CPNE5: variants seen among roughly 807,000 people sequenced by gnomAD.
The protein encoded by CPNE5 is copine-5.
A neutral mutation model predicts 81.1 loss-of-function variants in CPNE5; 42 were observed. The observed-to-expected ratio is 0.52, with a 90% CI of 0.40 to 0.67. The LOEUF (loss-of-function observed/expected upper bound fraction) is 0.67, where lower values mean the gene tolerates loss of function less well. Ranked by LOEUF, CPNE5 falls within the 30% of genes least tolerant of loss-of-function variation. CPNE5 has a pLI of 0.00. For missense variants in CPNE5, 612 were observed against 815.5 expected, an observed-to-expected ratio of 0.75 and a Z score of 3.04; for synonymous variants, 313 against 321.5, an observed-to-expected ratio of 0.97 and a Z score of 0.28.
rs187496678 is a variant in CPNE5, at chr6:36,773,548, A to G, written c.737+1413T>C. 3.3e-5 allele frequency among the ~76,000 whole-genome samples: 5 copies of G among 152,342 alleles called. No individual in the cohort carries two copies. In the East Asian group the frequency reaches 7.7e-4, roughly 23 times the overall value. ...CATCTAGCACAGTGCCTGGTACATG[A>G]CAGGGGTTCCCTAAACATTTGTGGA... On this transcript the variant is annotated intron_variant, in intron 10 of 20. Coordinates refer to ENST00000244751, the MANE Select transcript of CPNE5 (RefSeq NM_020939.2).
At chr6:36,770,235 G>A (rs1766935770) in intron 10 of CPNE5, among the ~76,000 whole-genome samples, 2 of 152,180 alleles carry the variant, frequency 1.3e-5, no homozygotes, top group South Asian at 4.1e-4. Context: ...GAGACTCCAG[G>A]CCAGAGGGCC....
chr6:36,786,966 T>C (rs1768611471), intron 8 of CPNE5, among the ~76,000 whole-genome samples: 1 of 152,220 alleles, frequency 6.6e-6, no homozygotes, highest in African/African-American at 2.4e-5. Flanking sequence ...TTGCTTTGTT[T>C]TGGCTTTTTA....
chr6:36,819,193 C>T (rs753908180), intron 3 of CPNE5, among the ~76,000 whole-genome samples: 9 of 152,228 alleles, frequency 5.9e-5, no homozygotes, highest in Non-Finnish European at 1.2e-4. Flanking sequence ...ACCTCCACCT[C>T]CTGGGTTCAA....
rs777172040 is a variant in CPNE5, at chr6:36,746,566, G to C, written c.1030C>G (p.Gln344Glu). 3.1e-6 allele frequency: 5 copies of C among 1,611,480 alleles called. 1 individual carries two copies. In the Admixed American group the frequency reaches 8.4e-5, roughly 27 times the overall value. ...CTCATGTAGTGCAGGGATGTGGACT[G>C]TGAGGGGTTCCCTGTAACACAGGAC... is the stretch of plus-strand genomic sequence containing the variant. The part of the protein sequence containing the change: ...DFTASNGNPS[Q>E]STSLHYMSPY... The change falls in exon 16 of 21, where the codon CAG becomes GAG. Residue 344 changes from glutamine (Q) to glutamate (E), a missense_variant. By Grantham distance (29) the Gln-to-Glu change is conservative. Transcript: ENST00000244751. The surrounding 1 kb of genome is among the most constrained non-coding windows in gnomAD (Gnocchi z 4.5).
intron 12 of CPNE5, among the ~76,000 whole-genome samples, chr6:36,757,709 G>A (rs6906856): frequency 0.035 from 5,254 of 152,272 alleles, 266 homozygotes; most frequent in African/African-American, 0.12. Flanking sequence ...GAAGTGTCAG[G>A]GGAGTTAGAG....
intron 14 of CPNE5, among the ~76,000 whole-genome samples, chr6:36,748,806 A>T (rs567384849): frequency 6.6e-6 from 1 of 152,242 alleles, no homozygotes; most frequent in Non-Finnish European, 1.5e-5. Flanking sequence ...ACAGAGGAAC[A>T]CATTAAATGA....
intron 1 of CPNE5, among the ~76,000 whole-genome samples, chr6:36,835,789 G>A (rs768037924): frequency 6.7e-6 from 1 of 148,792 alleles, no homozygotes; most frequent in Non-Finnish European, 1.5e-5. Context: ...GGGCAACAGA[G>A]CAAAAACTCC....
chr6:36,743,628 G>A (rs1763776474), intron 20 of CPNE5, 61 bp downstream of exon 20: 1 of 1,518,568 alleles, frequency 6.6e-7, no homozygotes, highest in Non-Finnish European at 9.1e-7. Context: ...GGGGGTGTGA[G>A]GTCCGCCTGG....
At chr6:36,745,325 G>C in intron 17 of CPNE5, 63 bp downstream of exon 17, 2 of 1,555,932 alleles carry the variant, frequency 1.3e-6, no homozygotes, top group Admixed American at 3.7e-5. Flanking sequence ...ACCACCCAGA[G>C]GCAGAGCTGG....
chr6:36,827,834 A>C, intron 1 of CPNE5: 1 of 818,982 alleles, frequency 1.2e-6, no homozygotes, highest in East Asian at 1.3e-4. Context: ...CTTTCTTTGG[A>C]GAGCACAAAG....
At chr6:36,817,804 T>C (rs1771681064) in intron 3 of CPNE5, among the ~76,000 whole-genome samples, 1 of 152,182 alleles carries the variant, frequency 6.6e-6, no homozygotes, top group African/African-American at 2.4e-5. Flanking sequence ...CTGAGTTGAC[T>C]CTGTCCCTCC....
At chr6:36,818,456 C>T (rs1771753749) in intron 3 of CPNE5, among the ~76,000 whole-genome samples, 3 of 152,180 alleles carry the variant, frequency 2.0e-5, no homozygotes, top group Admixed American at 2.0e-4. Context: ...TTCATAAATG[C>T]TTCCTGTTGC....
intron 8 of CPNE5, among the ~76,000 whole-genome samples, chr6:36,787,890 C>T (rs565260848): frequency 1.1e-4 from 17 of 152,212 alleles, no homozygotes; most frequent in African/African-American, 3.9e-4. Flanking sequence ...GTGGTAAAGA[C>T]GTACTATCCT....
At chr6:36,788,307 A>G (rs779234500) in intron 8 of CPNE5, among the ~76,000 whole-genome samples, 1 of 152,012 alleles carries the variant, frequency 6.6e-6, no homozygotes, top group Non-Finnish European at 1.5e-5. Context: ...TCAGCCTCGC[A>G]AAGTGCTGGG....
intron 4 of CPNE5, 91 bp from the exon 5 acceptor site, chr6:36,798,585 C>T: frequency 1.8e-6 from 2 of 1,139,748 alleles, no homozygotes; most frequent in South Asian, 1.2e-5. Context: ...GCCCCTGTCC[C>T]CCAAAAAACA....
In CPNE5 at chr6:36,800,025, C is replaced by G. The variant is rs143066740; in HGVS notation, c.229G>C (p.Val77Leu). ...VIDNTLNPDF[V>L]RKFIVDYFFE... ...AAGTAATCCACAATGAACTTGCGCA[C>G]GAAGTCAGGATTGAGCGTGTTGTCG... The change falls in exon 4 of 21, where the codon GTG (valine) becomes CTG (leucine). Residue 77 changes from valine to leucine, a missense_variant. Coordinates refer to ENST00000244751, the MANE Select transcript of CPNE5 (RefSeq NM_020939.2). 9 of 1,613,970 alleles carry G rather than the reference C, an allele frequency of 5.6e-6. No homozygotes were observed. In the Admixed American group the frequency reaches 8.3e-5, roughly 15 times the overall value.
intron 14 of CPNE5, among the ~76,000 whole-genome samples, chr6:36,751,619 G>A (rs906495312): frequency 1.3e-5 from 2 of 151,998 alleles, no homozygotes; most frequent in Admixed American, 1.3e-4. Flanking sequence ...GTGAAAGCCC[G>A]TCTCTACTAA....
At position 36,762,945 on chromosome 6, in the gene CPNE5, C is replaced by T. The variant is rs200681095; in HGVS notation, c.827G>A (p.Arg276His). The T allele has an allele frequency of 2.3e-5, 37 of 1,614,160 alleles. No homozygotes were observed. The highest frequency in any genetic ancestry group is 8.9e-5 in the East Asian group (4 of 44,884). Reference protein sequence around the residue: ...EFTTSYRELARGQSQFNIYEV... With the variant: ...EFTTSYRELAHGQSQFNIYEV... ...ATAGATGTTGAATTGGCTCTGCCCACGGGCCAGCTCCCGGTAACTGGTGGT... is the reference window on the plus strand; with the variant it reads ...ATAGATGTTGAATTGGCTCTGCCCATGGGCCAGCTCCCGGTAACTGGTGGT... The change falls in exon 12 of 21, where the codon CGT becomes CAT. Residue 276 changes from arginine to histidine, a missense_variant. Coordinates refer to ENST00000244751, the MANE Select transcript of CPNE5 (RefSeq NM_020939.2).
intron 3 of CPNE5, among the ~76,000 whole-genome samples, chr6:36,816,473 C>T (rs1771549978): frequency 6.6e-6 from 1 of 152,218 alleles, no homozygotes; most frequent in Admixed American, 6.5e-5. Context: ...CATCTGCAGC[C>T]TCATGCAAAC....
Sources: gnomAD v4.1 joint callset for allele counts (sites outside exome capture counted in the v4.1 genomes callset) on GRCh38, gnomAD v4.1.1 for gene constraint, Gnocchi (gnomAD v3.1) non-coding constraint, MANE v1.5 for transcripts, NCBI Gene and HGNC (gene_info 2026-07-23, HGNC 2026-07-21) for gene names.